Variants in FOXP2 observed in about 807,000 individuals in gnomAD.
FOXP2 encodes the protein forkhead box protein P2.
In FOXP2, 12 loss-of-function variants were observed where a neutral mutation model predicts 115.8. The observed-to-expected ratio is 0.10, with a 90% CI of 0.07 to 0.17. FOXP2 has a LOEUF of 0.17. Among genes scored for constraint, FOXP2 ranks in the 10% least tolerant of loss-of-function variants. The pLI is 1.00. For synonymous variants in FOXP2, 328 were observed against 297.7 expected (o/e 1.10, Z -1.05); for missense variants, 629 against 843.5 (o/e 0.75, Z 3.15).
In FOXP2 at chr7:114,659,432, G is replaced by T; in HGVS notation, c.1545G>T (p.Gln515His). 1 of 1,611,712 alleles carries T rather than the reference G, an allele frequency of 6.2e-7. No individual in the cohort carries two copies. Among genetic ancestry groups the T allele is most frequent in the Non-Finnish European group, 8.5e-7 (1 of 1,178,022 alleles). ...PPFTYATLIR[Q>H]AIMESSDRQL... ...TTACTTATGCAACTCTCATAAGGCA[G>T]GTAAGTAGAAGGAAAATTAACTTTG... Residue 515 changes from glutamine to histidine, a missense_variant and splice_region_variant, in exon 12 of 17, where the codon CAG (glutamine) becomes CAT (histidine). By Grantham distance (24) the Gln-to-His change is conservative (BLOSUM62 0). Coordinates refer to ENST00000350908, the MANE Select transcript of FOXP2 (RefSeq NM_014491.4).
chr7:114,330,738 C>A (rs1168101040), intron 2 of FOXP2, among the ~76,000 whole-genome samples: 1 of 151,746 alleles, frequency 6.6e-6, no homozygotes, highest in Non-Finnish European at 1.5e-5. Context: ...ATTATTTAGT[C>A]TCAATAAAGA....
At chr7:114,275,112 A>T (rs1796158266) in intron 1 of FOXP2, among the ~76,000 whole-genome samples, 1 of 150,398 alleles carries the variant, frequency 6.6e-6, no homozygotes, top group African/African-American at 2.4e-5. Flanking sequence ...GAGTATCTGT[A>T]GTTTGAGAAT....
chr7:114,450,884 A>G (rs1299146275), intron 2 of FOXP2, among the ~76,000 whole-genome samples: 4 of 152,260 alleles, frequency 2.6e-5, no homozygotes, highest in East Asian at 1.9e-4. Context: ...ATGTATATTT[A>G]TGACTTTTTG....
At chr7:114,244,109 C>T (rs1358133898) in intron 1 of FOXP2, among the ~76,000 whole-genome samples, 1 of 152,096 alleles carries the variant, frequency 6.6e-6, no homozygotes, top group Admixed American at 6.5e-5. Flanking sequence ...TCACTGTATT[C>T]TAACTCACCT....
chr7:114,599,325 A>G (rs2129312658), intron 3 of FOXP2, among the ~76,000 whole-genome samples: 1 of 152,280 alleles, frequency 6.6e-6, no homozygotes, highest in South Asian at 2.1e-4. Context: ...GTATTGAGAT[A>G]ACCTCATTGT....
chr7:114,478,672 A>C (rs1410651822), intron 2 of FOXP2, among the ~76,000 whole-genome samples: 2 of 151,800 alleles, frequency 1.3e-5, no homozygotes, highest in Non-Finnish European at 3.0e-5. Flanking sequence ...AGTTCTGCTT[A>C]ATATGGTCAA....
chr7:114,246,313 A>C (rs1795282466), intron 1 of FOXP2, among the ~76,000 whole-genome samples: 1 of 152,134 alleles, frequency 6.6e-6, no homozygotes, highest in Non-Finnish European at 1.5e-5. Context: ...TAGTGAACCA[A>C]ACAAAATCAT....
At chr7:114,414,274 T>G (rs1299939626), upstream of FOXP2, 2 of 152,122 alleles carry the variant, frequency 1.3e-5, no homozygotes, top group Non-Finnish European at 2.9e-5. Flanking sequence ...GACTTTCTTT[T>G]GCATCTGCTG....
chr7:114,411,338 A>C (rs1394166459), upstream of FOXP2, among the ~76,000 whole-genome samples: 1 of 152,138 alleles, frequency 6.6e-6, no homozygotes, highest in East Asian at 1.9e-4. Flanking sequence ...TTCCCACTCA[A>C]GTTTCTGACA....
intron 1 of FOXP2, among the ~76,000 whole-genome samples, chr7:114,245,688 C>T (rs1795263180): frequency 1.3e-5 from 2 of 152,046 alleles, no homozygotes; most frequent in African/African-American, 4.8e-5. Flanking sequence ...GCTGAAGATG[C>T]CGTGTATCAA....
chr7:114,176,263 CCTTTCTTT>C (rs377227249), intron 1 of FOXP2, among the ~76,000 whole-genome samples: 1,390 of 123,496 alleles, frequency 0.011, 19 homozygotes, highest in Non-Finnish European at 0.013. Context: ...TCTCTCTTTC[CCTTTCTTT>C]CTTTCTTTCT....
chr7:114,679,758 A>G (rs1807985425), intron 16 of FOXP2, among the ~76,000 whole-genome samples: 5 of 152,078 alleles, frequency 3.3e-5, no homozygotes, highest in Admixed American at 2.6e-4. Flanking sequence ...TACAAAGCCT[A>G]CGTGAAGCTA....
chr7:114,389,996 C>G (rs1439060954), intron 2 of FOXP2, among the ~76,000 whole-genome samples: 1 of 139,500 alleles, frequency 7.2e-6, no homozygotes, highest in South Asian at 2.2e-4. Context: ...TGCTCTCCAG[C>G]CTGGGCAACA....
intron 1 of FOXP2, among the ~76,000 whole-genome samples, chr7:114,099,106 C>T (rs998194595): frequency 5.9e-5 from 9 of 152,060 alleles, no homozygotes; most frequent in Non-Finnish European, 1.3e-4. Flanking sequence ...CTGCACTCCA[C>T]CATGGGCGAC....
chr7:114,190,380 T>C (rs904266024), intron 1 of FOXP2, among the ~76,000 whole-genome samples: 3 of 152,170 alleles, frequency 2.0e-5, no homozygotes, highest in Non-Finnish European at 4.4e-5. Context: ...ATAAATTTTC[T>C]CTCTGCTCCA....
At position 114,356,132 on chromosome 7, in the gene FOXP2, A is replaced by G. The variant is rs147677524; in HGVS notation, c.-11+68023A>G. On this transcript the variant is annotated intron_variant, in intron 2 of 17. Coordinates refer to the FOXP2 transcript ENST00000634411. ...CCGTAGAAAGGCCCAAATTATAAAA[A>G]CTAGCCTTGTTGTTCTGTCATAGTA... 3.3e-5 allele frequency among the ~76,000 whole-genome samples: 5 copies of G among 152,322 alleles called. No homozygotes were observed. The East Asian group carries it at 9.6e-4, about 29-fold the overall frequency.
intron 1 of FOXP2, among the ~76,000 whole-genome samples, chr7:114,166,080 G>A (rs868825018): frequency 1.3e-5 from 2 of 151,946 alleles, no homozygotes; most frequent in Non-Finnish European, 2.9e-5. Context: ...TAATCTAGAC[G>A]ACCTTATACC....
At chr7:114,590,440 G>A (rs779713210) in intron 3 of FOXP2, among the ~76,000 whole-genome samples, 2 of 152,148 alleles carry the variant, frequency 1.3e-5, no homozygotes, top group Non-Finnish European at 2.9e-5. Context: ...GAACCAGAAA[G>A]CCCCTCACAG....
intron 2 of FOXP2, among the ~76,000 whole-genome samples, chr7:114,369,443 A>G (rs921944972): frequency 6.6e-6 from 1 of 152,086 alleles, no homozygotes; most frequent in Admixed American, 6.6e-5. Flanking sequence ...ATACCTCCTG[A>G]TCGTAAATGC....
Sources: gnomAD v4.1 joint callset for allele counts (sites outside exome capture counted in the v4.1 genomes callset) on GRCh38, gnomAD v4.1.1 for gene constraint, MANE v1.5 for transcripts, NCBI Gene and HGNC (gene_info 2026-07-23, HGNC 2026-07-21) for gene names.